The following IL4I1 variants were observed in gnomAD, a reference collection of about 807,000 sequenced individuals.
IL4I1 encodes interleukin 4 induced 1.
In IL4I1, 24 loss-of-function variants were observed where a neutral mutation model predicts 29.7. That is an observed-to-expected ratio of 0.81 (90% confidence interval 0.59 to 1.14). IL4I1 has a LOEUF of 1.14. Ranked by LOEUF, IL4I1 falls within the 50% of genes most tolerant of loss-of-function variation. The pLI, the probability that IL4I1 is intolerant of heterozygous loss-of-function variation, is 0.00. For missense variants in IL4I1, 686 were observed against 785.6 expected, an observed-to-expected ratio of 0.87 and a Z score of 1.52; for synonymous variants, 371 against 352.5, an observed-to-expected ratio of 1.05 and a Z score of -0.59.
intron 2 of IL4I1, among the ~76,000 whole-genome samples, chr19:49,916,075 A>T (rs1447379099): frequency 6.6e-6 from 1 of 152,256 alleles, no homozygotes; most frequent in Non-Finnish European, 1.5e-5. Context: ...ACTGCACTGC[A>T]GCACACCGAG....
At chr19:49,923,719 A>G (rs1319914152) in intron 2 of IL4I1, among the ~76,000 whole-genome samples, 3 of 152,266 alleles carry the variant, frequency 2.0e-5, no homozygotes, top group East Asian at 1.9e-4. Flanking sequence ...CACCGTCTGC[A>G]ATGGACCATC....
rs973204115 is a variant in IL4I1 at position 49,919,932 on chromosome 19, AT to A, written c.-228+7761del. On this transcript the variant is annotated intron_variant, in intron 2 of 9. Coordinates refer to the IL4I1 transcript ENST00000341114. ...CCTCTACCTACTGCATTAAAAAAAA[AT>A]TTTTTTTTTTCTAAGACAAGGTCTC... Among the ~76,000 whole-genome samples the A allele has an allele frequency of 8.7e-5, 13 of 149,960 alleles. 1 individual carries two copies. Among genetic ancestry groups the A allele is most frequent in the Non-Finnish European group, 1.0e-4 (7 of 67,354 alleles).
At chr19:49,896,311 C>T in intron 1 of IL4I1, 129 bp from the exon 2 acceptor site, 1 of 1,142,008 alleles carries the variant, frequency 8.8e-7, no homozygotes, top group Non-Finnish European at 1.2e-6. Context: ...CTCTCTGGAC[C>T]TGTGTCCCCT....
At chr19:49,924,703 G>T (rs1355409049) in intron 2 of IL4I1, among the ~76,000 whole-genome samples, 1 of 152,224 alleles carries the variant, frequency 6.6e-6, no homozygotes, top group Non-Finnish European at 1.5e-5. Context: ...GGGGAGAAGG[G>T]TCGCAGGCAA....
chr19:49,897,843 G>A (rs1019253650), upstream of IL4I1, among the ~76,000 whole-genome samples: 9 of 152,272 alleles, frequency 5.9e-5, no homozygotes, highest in South Asian at 1.2e-3. Flanking sequence ...GGGGGTTGGA[G>A]GGCATTAACA....
intron 2 of IL4I1, among the ~76,000 whole-genome samples, chr19:49,919,801 T>C (rs2075719984): frequency 1.9e-5 from 1 of 51,362 alleles, no homozygotes; most frequent in Non-Finnish European, 3.5e-5. Context: ...CGCTTGCTCT[T>C]AATATAAAAG....
rs1437996998 is a variant in IL4I1 at position 49,894,468 on chromosome 19, T to C, written c.367A>G (p.Ile123Val). 6.2e-7 allele frequency: 1 copy of C among 1,607,828 alleles called. No individual in the cohort carries two copies. Among genetic ancestry groups the C allele is most frequent in the Non-Finnish European group, 8.5e-7 (1 of 1,176,622 alleles). The change falls in exon 5 of 8, where the codon ATC becomes GTC. Residue 123 changes from isoleucine to valine, a missense_variant and splice_region_variant. Physicochemically the swap from Ile to Val is conservative, Grantham distance 29. Coordinates refer to ENST00000391826, the MANE Select transcript of IL4I1 (RefSeq NM_152899.2). ...GAMRMPSSHR[I>V]LHKLCQGLGL... ...AGGCCCTGGCAGAGCTTGTGGAGGATCCTGATCAGGGGAGTGGGTGAGTGA... is the reference window on the plus strand; with the variant it reads ...AGGCCCTGGCAGAGCTTGTGGAGGACCCTGATCAGGGGAGTGGGTGAGTGA...
chr19:49,909,865 C>A (rs1024496259), intron 2 of IL4I1: 1 of 1,570,044 alleles, frequency 6.4e-7, no homozygotes, highest in African/African-American at 1.4e-5. Flanking sequence ...CCGTCGGTGT[C>A]TGCAGCCTTG....
At position 49,896,013 on chromosome 19, in the gene IL4I1, C is replaced by A; in HGVS notation, c.54G>T (p.Leu18=). ...LLVLVPILLS[L]VASQDWKAER... ...CAGCCTTCCAGTCCTGGGAGGCCAC[C>A]AGGCTGAGGAGGATGGGGACGAGGA... Residue 18 remains leucine (L), a synonymous_variant, in exon 3 of 8, where the codon CTG becomes CTT. Transcript: ENST00000391826. The A allele has an allele frequency of 6.2e-7, 1 of 1,614,160 alleles. No individual in the cohort carries two copies. Among genetic ancestry groups the A allele is most frequent in the Non-Finnish European group, 8.5e-7 (1 of 1,180,024 alleles).
chr19:49,892,398 C>T (rs2122511572), intron 5 of IL4I1, among the ~76,000 whole-genome samples: 1 of 152,294 alleles, frequency 6.6e-6, no homozygotes, highest in East Asian at 1.9e-4. Flanking sequence ...CCTTCTGACT[C>T]TCTGGGGAAG....
upstream of IL4I1, among the ~76,000 whole-genome samples, chr19:49,901,165 C>T (rs958070618): frequency 1.3e-5 from 2 of 152,154 alleles, no homozygotes; most frequent in Non-Finnish European, 1.5e-5. Context: ...GGGCAGATCA[C>T]GAGATCAGGA....
At chr19:49,908,355 G>T (rs779414081) in intron 2 of IL4I1, 1 of 1,614,198 alleles carries the variant, frequency 6.2e-7, no homozygotes, top group African/African-American at 1.3e-5. Context: ...ATCCACTGCA[G>T]TGAGTCCATG....
rs752768926 is a variant in IL4I1 at position 49,890,140 on chromosome 19, G to T, written c.1234C>A (p.Arg412=). The T allele has an allele frequency of 1.1e-5, 17 of 1,541,436 alleles. No homozygotes were observed. In the East Asian group the frequency reaches 3.7e-4, roughly 33 times the overall value. Reference sequence around the variant, plus strand: ...AGCGCCAAGCGCAACGCCTCTTCCCGGCTCAAGCCGGCGAACGCTGCCGCC... The same window carrying T: ...AGCGCCAAGCGCAACGCCTCTTCCCTGCTCAAGCCGGCGAACGCTGCCGCC... ...DAAAAFAGLS[R]EEALRLALDD... The change falls in exon 8 of 8, where the codon CGG becomes AGG. Residue 412 remains arginine (R), a synonymous_variant. Transcript: ENST00000391826.
intron 2 of IL4I1, among the ~76,000 whole-genome samples, chr19:49,927,413 G>GC (rs2075925761): frequency 6.6e-6 from 1 of 152,058 alleles, no homozygotes; most frequent in Admixed American, 6.6e-5. Flanking sequence ...CAAAAAATTC[G>GC]CATGTTTTGG....
At position 49,908,618 on chromosome 19, in the gene IL4I1, A is replaced by G. The variant is rs376633054; in HGVS notation, c.-227-4297T>C. On this transcript the variant is annotated intron_variant, in intron 2 of 9. Transcript: ENST00000341114. Reference sequence around the variant, plus strand: ...GTCTTCCAGCTCCTTCTGCTGGGACAGGATGAAGTCGAGCTCCTGGTCCAG... The same window carrying G: ...GTCTTCCAGCTCCTTCTGCTGGGACGGGATGAAGTCGAGCTCCTGGTCCAG... 1.2e-6 allele frequency: 2 copies of G among 1,613,754 alleles called. No homozygotes were observed. The highest frequency in any genetic ancestry group is 1.7e-6 in the Non-Finnish European group (2 of 1,180,032).
chr19:49,923,871 C>A (rs2075821686), intron 2 of IL4I1, among the ~76,000 whole-genome samples: 1 of 152,216 alleles, frequency 6.6e-6, no homozygotes. Flanking sequence ...CGGAAGGCAG[C>A]CGAGGCTCGG....
intron 1 of IL4I1, among the ~76,000 whole-genome samples, chr19:49,896,409 C>T (rs528308354): frequency 3.1e-4 from 47 of 151,966 alleles, no homozygotes; most frequent in African/African-American, 1.1e-3. Flanking sequence ...GGGTTCCTGT[C>T]TCTTTCTCTT....
chr19:49,925,202 G>A (rs536242134), intron 2 of IL4I1, among the ~76,000 whole-genome samples: 11 of 152,070 alleles, frequency 7.2e-5, no homozygotes, highest in African/African-American at 1.4e-4. Context: ...CAGAGGTTGC[G>A]GTGAGCCGAG....
chr19:49,914,313 G>A (rs920697410), intron 2 of IL4I1, among the ~76,000 whole-genome samples: 2 of 152,186 alleles, frequency 1.3e-5, no homozygotes, highest in African/African-American at 4.8e-5. Context: ...GAAGCAGGGA[G>A]GAACCCAAAC....
Sources: gnomAD v4.1 joint callset for allele counts (sites outside exome capture counted in the v4.1 genomes callset) on GRCh38, gnomAD v4.1.1 for gene constraint, MANE v1.5 for transcripts, NCBI Gene and HGNC (gene_info 2026-07-23, HGNC 2026-07-21) for gene names.